C9orf153: variants seen among roughly 807,000 people sequenced by gnomAD.
C9orf153 encodes the protein chromosome 9 open reading frame 153.
C9orf153 carries 10 observed loss-of-function variants against 9.0 expected under a neutral mutation model. That is an observed-to-expected ratio of 1.11 (90% CI 0.69 to 1.89). The LOEUF is 1.89. Ranked by LOEUF, C9orf153 falls within the 40% of genes most tolerant of loss-of-function variation. The pLI, the probability that C9orf153 is intolerant of heterozygous loss-of-function variation, is 0.00. For synonymous variants in C9orf153, 35 were observed against 37.3 expected (o/e 0.94, Z 0.23); for missense variants, 108 against 111.0 (o/e 0.97, Z 0.12).
chr9:86,249,548 C>CTTT (rs369850072), intron 1 of C9orf153, among the ~76,000 whole-genome samples: 3 of 128,406 alleles, frequency 2.3e-5, no homozygotes, highest in African/African-American at 8.7e-5. Flanking sequence ...CGTCTCCCAC[C>CTTT]TTTTTTTTTT....
At chr9:86,247,756 T>C (rs1824901693) in intron 1 of C9orf153, among the ~76,000 whole-genome samples, 1 of 152,228 alleles carries the variant, frequency 6.6e-6, no homozygotes, top group Non-Finnish European at 1.5e-5. Context: ...TCATTCTTGT[T>C]TCATGGTGCA....
At chr9:86,243,463 T>C (rs1195172716) in intron 1 of C9orf153, among the ~76,000 whole-genome samples, 1 of 130,966 alleles carries the variant, frequency 7.6e-6, no homozygotes, top group Non-Finnish European at 1.5e-5. Flanking sequence ...TTCTTTTTCT[T>C]TTCTTCTTTT....
chr9:86,235,218 A>G (rs1824554753), intron 1 of C9orf153, among the ~76,000 whole-genome samples: 1 of 152,228 alleles, frequency 6.6e-6, no homozygotes, highest in Non-Finnish European at 1.5e-5. Flanking sequence ...CTGTGAATGT[A>G]AAACAACCAT....
At chr9:86,222,981 T>C (rs1171052755) in intron 3 of C9orf153, among the ~76,000 whole-genome samples, 1 of 152,196 alleles carries the variant, frequency 6.6e-6, no homozygotes, top group Non-Finnish European at 1.5e-5. Flanking sequence ...ACTTTGTACA[T>C]GTCTGAAGTA....
At chr9:86,243,565 A>C (rs921030551) in intron 1 of C9orf153, among the ~76,000 whole-genome samples, 3 of 151,332 alleles carry the variant, frequency 2.0e-5, no homozygotes. Flanking sequence ...TCCCAGGTTC[A>C]AGCGATTCTC....
intron 1 of C9orf153, among the ~76,000 whole-genome samples, chr9:86,232,651 A>G (rs1824497364): frequency 6.6e-6 from 1 of 151,974 alleles, no homozygotes; most frequent in Non-Finnish European, 1.5e-5. Flanking sequence ...CAGAAGGAAA[A>G]AAGTTCTCTC....
intron 1 of C9orf153, among the ~76,000 whole-genome samples, chr9:86,248,441 T>C (rs1460638574): frequency 6.6e-6 from 1 of 152,194 alleles, no homozygotes; most frequent in East Asian, 1.9e-4. Context: ...GCCTGTTTTT[T>C]CTACTTTTAT....
chr9:86,239,631 T>C (rs10118760), intron 1 of C9orf153, among the ~76,000 whole-genome samples: 2 of 151,968 alleles, frequency 1.3e-5, no homozygotes, highest in Non-Finnish European at 2.9e-5. Context: ...GAGGGGTAAC[T>C]GGAAGTGAGT....
Position 86,227,884 on chromosome 9 carries a change from A to C in C9orf153, c.213T>G (p.Asp71Glu). Residue 71 changes from aspartate to glutamate, a missense_variant, in exon 3 of 4, where the codon GAT (aspartate) becomes GAG (glutamate). Coordinates refer to ENST00000339137, the MANE Select transcript of C9orf153 (RefSeq NM_001276366.4). ...TAACAGGTTGGAGATCTCCTCTCACATCAGCGCCCCTGGTGAATGACATGA... is the reference window on the plus strand; with the variant it reads ...TAACAGGTTGGAGATCTCCTCTCACCTCAGCGCCCCTGGTGAATGACATGA... The part of the protein sequence containing the change: ...LNVMSFTRGA[D>E]VRGDLQPVIR... 6.2e-7 allele frequency: 1 copy of C among 1,613,714 alleles called. No individual in the cohort carries two copies. Among genetic ancestry groups the C allele is most frequent in the Non-Finnish European group, 8.5e-7 (1 of 1,179,824 alleles).
At chr9:86,222,802 C>T (rs1244013307) in intron 3 of C9orf153, among the ~76,000 whole-genome samples, 1 of 152,128 alleles carries the variant, frequency 6.6e-6, no homozygotes, top group African/African-American at 2.4e-5. Context: ...AGCAGACAAG[C>T]AGGATGACTG....
chr9:86,223,576 G>C (rs931926424), intron 3 of C9orf153, among the ~76,000 whole-genome samples: 42 of 152,164 alleles, frequency 2.8e-4, no homozygotes, highest in African/African-American at 9.9e-4. Context: ...TGCTATAGAG[G>C]GGGGAGCTAA....
chr9:86,249,061 G>C (rs1824934371), intron 1 of C9orf153, among the ~76,000 whole-genome samples: 1 of 152,152 alleles, frequency 6.6e-6, no homozygotes, highest in Non-Finnish European at 1.5e-5. Flanking sequence ...TTTGGTCCAG[G>C]TTTCAGTAAG....
chr9:86,229,446 T>A, intron 2 of C9orf153, 92 bp downstream of exon 2: 2 of 846,948 alleles, frequency 2.4e-6, no homozygotes, highest in Non-Finnish European at 3.9e-6. Flanking sequence ...GGCTCCCAAG[T>A]GTGTCACTGT....
intron 1 of C9orf153, among the ~76,000 whole-genome samples, chr9:86,238,955 T>C (rs1824664186): frequency 8.6e-6 from 1 of 115,678 alleles, no homozygotes; most frequent in Non-Finnish European, 1.7e-5. Flanking sequence ...ATAATTCTAT[T>C]TCTGTAAAAA....
At chr9:86,247,289 A>C (rs1202622369) in intron 1 of C9orf153, among the ~76,000 whole-genome samples, 1 of 151,954 alleles carries the variant, frequency 6.6e-6, no homozygotes, top group Non-Finnish European at 1.5e-5. Flanking sequence ...CTCTTTTTTC[A>C]CCAGGCTGCC....
At chr9:86,241,246 T>C (rs938279890) in intron 1 of C9orf153, among the ~76,000 whole-genome samples, 1 of 152,200 alleles carries the variant, frequency 6.6e-6, no homozygotes, top group Non-Finnish European at 1.5e-5. Flanking sequence ...ACTTCAGCCC[T>C]GTCATTTAGC....
At chr9:86,254,090 CAAAA>C (rs35119532) in intron 1 of C9orf153, among the ~76,000 whole-genome samples, 10 of 108,212 alleles carry the variant, frequency 9.2e-5, no homozygotes, top group Admixed American at 2.9e-4. Context: ...GACTCCATTT[CAAAA>C]AAAAAAAAAA....
chr9:86,236,746 TAAAATA>T (rs1166245174), intron 1 of C9orf153, among the ~76,000 whole-genome samples: 1 of 151,760 alleles, frequency 6.6e-6, no homozygotes, highest in African/African-American at 2.4e-5. Context: ...AAATGAAGAT[TAAAATA>T]AAAATGTTTA....
At chr9:86,250,759 A>G (rs1450207674) in intron 1 of C9orf153, among the ~76,000 whole-genome samples, 3 of 152,098 alleles carry the variant, frequency 2.0e-5, no homozygotes, top group African/African-American at 7.2e-5. Context: ...TTAGAATGCT[A>G]CTGTGTTTGT....
Sources: allele counts gnomAD v4.1 joint callset (sites outside exome capture counted in the v4.1 genomes callset), GRCh38; gene constraint gnomAD v4.1.1; transcripts MANE v1.5; gene names NCBI Gene and HGNC (gene_info 2026-07-23, HGNC 2026-07-21).